The following NIPBL variants were observed in gnomAD, a reference collection of about 807,000 sequenced individuals.
NIPBL encodes NIPBL cohesin loading factor, also known as nipped-B-like protein.
A neutral mutation model predicts 321.8 loss-of-function variants in NIPBL; 19 were observed. That is an observed-to-expected ratio of 0.06 (90% CI 0.04 to 0.09). The LOEUF is 0.09. Among genes scored for constraint, NIPBL ranks in the 10% least tolerant of loss-of-function variants. The pLI is 1.00. For synonymous variants in NIPBL, 1,106 were observed against 1,114.1 expected (o/e 0.99, Z 0.14); for missense variants, 2,210 against 3,327.0 (o/e 0.66, Z 8.26).
At position 36,976,412 on chromosome 5, in the gene NIPBL, TCTC is replaced by T; in HGVS notation, c.1495+11_1495+13del. ...GAAGTTCAAGATAAAGGTAAAATAA[TCTC>T]ATTATTACCACTTCATCATCTGGGC... is the stretch of plus-strand genomic sequence containing the variant. On this transcript the variant is annotated intron_variant, in intron 9 of 46. Transcript: ENST00000282516. 1.2e-6 allele frequency: 2 copies of T among 1,600,860 alleles called. No homozygotes were observed. The highest frequency in any genetic ancestry group is 1.7e-6 in the Non-Finnish European group (2 of 1,178,634).
intron 32 of NIPBL, among the ~76,000 whole-genome samples, chr5:37,028,602 A>G (rs1262101758): frequency 1.3e-5 from 2 of 152,086 alleles, no homozygotes; most frequent in African/African-American, 4.8e-5. Context: ...CGGCCTCCCA[A>G]AGTGCTGAGA....
chr5:36,886,495 T>C, intron 1 of NIPBL: 3 of 758,432 alleles, frequency 4.0e-6, no homozygotes, highest in Non-Finnish European at 7.1e-6. Context: ...TCTGAGACAT[T>C]AAGTCAGCAG....
At chr5:36,934,242 T>C (rs1749992199) in intron 1 of NIPBL, among the ~76,000 whole-genome samples, 1 of 152,138 alleles carries the variant, frequency 6.6e-6, no homozygotes, top group African/African-American at 2.4e-5. Flanking sequence ...CTAGGTATTA[T>C]GGAAAGATTT....
chr5:37,057,074 C>A, intron 42 of NIPBL, 112 bp from the exon 43 acceptor site: 1 of 1,004,132 alleles, frequency 1.0e-6, no homozygotes, highest in Non-Finnish European at 1.5e-6. Flanking sequence ...CTGCTTATCT[C>A]TGTCTAACAT....
chr5:37,046,021 ATTGTT>A (rs1414805431), intron 37 of NIPBL, 83 bp from the exon 38 acceptor site: 4 of 732,996 alleles, frequency 5.5e-6, no homozygotes, highest in African/African-American at 1.8e-5. Context: ...ACAAATTCTC[ATTGTT>A]TTAAGGTATT....
At chr5:37,003,808 TAC>T (rs1219344741) in intron 16 of NIPBL, among the ~76,000 whole-genome samples, 1 of 152,232 alleles carries the variant, frequency 6.6e-6, no homozygotes, top group Non-Finnish European at 1.5e-5. Context: ...GAATTAATGT[TAC>T]ACATTGTCAA....
chr5:36,891,770 C>A (rs1746352987), intron 1 of NIPBL, among the ~76,000 whole-genome samples: 1 of 151,926 alleles, frequency 6.6e-6, no homozygotes, highest in Admixed American at 6.6e-5. Flanking sequence ...GGATAGTAGG[C>A]AGGAAAAGGG....
intron 41 of NIPBL, 86 bp from the exon 42 acceptor site, chr5:37,052,280 T>A: frequency 2.9e-6 from 3 of 1,035,616 alleles, no homozygotes; most frequent in Non-Finnish European, 4.5e-6. Flanking sequence ...ACAATGAAGC[T>A]AGCCTCAGAA....
chr5:37,013,306 C>G (rs1235572494), intron 21 of NIPBL, among the ~76,000 whole-genome samples: 1 of 150,882 alleles, frequency 6.6e-6, no homozygotes, highest in Admixed American at 6.6e-5. Context: ...GCTGACCCCC[C>G]CACCTCCCTC....
In NIPBL at chr5:37,020,662, T is replaced by C. The variant is rs1749520355; in HGVS notation, c.5214T>C (p.Phe1738=). The change falls in exon 26 of 47, where the codon TTT becomes TTC. Residue 1738 remains phenylalanine, a synonymous_variant. Coordinates refer to ENST00000282516, the MANE Select transcript of NIPBL (RefSeq NM_133433.4). ...RSIIKTTPSQ[F]STLKMNSDTV... The stretch of plus-strand genomic sequence containing the variant: ...TTATCAAAACCACACCTTCTCAGTT[T>C]AGCACATTAAAGTAAGATCCAAGGA... The C allele has an allele frequency of 2.5e-6, 4 of 1,613,664 alleles. No individual in the cohort carries two copies. The highest frequency in any genetic ancestry group is 2.2e-5 in the East Asian group (1 of 44,874).
rs766956935 is a variant in NIPBL at position 36,972,011 on chromosome 5, T to G, written c.838T>G (p.Ser280Ala). The G allele has an allele frequency of 7.3e-5, 117 of 1,613,050 alleles. No homozygotes were observed. The highest frequency in any genetic ancestry group is 9.3e-5 in the Non-Finnish European group (110 of 1,179,286). Residue 280 changes from serine (S) to alanine (A), a missense_variant, in exon 8 of 47, where the codon TCC becomes GCC. Ser to Ala is a moderately conservative substitution (Grantham distance 99, BLOSUM62 1). This residue lies in a region of NIPBL where 464 missense variants were observed against 529.5 expected (regional missense o/e 0.88). Coordinates refer to ENST00000282516, the MANE Select transcript of NIPBL (RefSeq NM_133433.4). Reference protein sequence around the residue: ...FPLRSPQPVCSPAGSEGTPKG... With the variant: ...FPLRSPQPVCAPAGSEGTPKG... ...CTTGAGATCTCCACAGCCAGTATGC[T>G]CCCCTGCTGGAAGTGAAGGAACTCC...
In NIPBL at chr5:36,975,849, C is replaced by T. The variant is rs778781695; in HGVS notation, c.942C>T (p.Ile314=). 3 of 1,612,480 alleles carry T rather than the reference C, an allele frequency of 1.9e-6. No homozygotes were observed. ...CACCTCGAGATGTTCCACCAGATAT[C>T]TTGCTAGATTCTCCAGAAAGAAAAC... The part of the protein sequence containing the change: ...CSSPRDVPPD[I]LLDSPERKQK... Residue 314 remains isoleucine (I), a synonymous_variant, in exon 9 of 47, where the codon ATC becomes ATT. Coordinates refer to ENST00000282516, the MANE Select transcript of NIPBL (RefSeq NM_133433.4).
intron 10 of NIPBL, among the ~76,000 whole-genome samples, chr5:36,994,525 G>C (rs904443422): frequency 6.6e-6 from 1 of 151,910 alleles, no homozygotes; most frequent in African/African-American, 2.4e-5. Context: ...ATTATCATTT[G>C]CATGTTATAA....
intron 2 of NIPBL, among the ~76,000 whole-genome samples, chr5:36,954,643 A>G (rs566334075): frequency 1.4e-4 from 21 of 152,158 alleles, no homozygotes; most frequent in Non-Finnish European, 2.6e-4. Context: ...CTATACCTAA[A>G]TATTTTGTCT....
chr5:37,026,622 A>G (rs969755379), intron 31 of NIPBL, among the ~76,000 whole-genome samples: 5 of 152,256 alleles, frequency 3.3e-5, no homozygotes, highest in Non-Finnish European at 7.3e-5. Context: ...AACAGATACA[A>G]TCGCCCAAGG....
chr5:37,030,544 T>C (rs780834749), intron 32 of NIPBL, among the ~76,000 whole-genome samples: 26 of 152,230 alleles, frequency 1.7e-4, no homozygotes, highest in Non-Finnish European at 3.4e-4. Context: ...TGAGCACATA[T>C]GCATGCATTG....
intron 34 of NIPBL, among the ~76,000 whole-genome samples, chr5:37,041,089 C>A (rs1752289983): frequency 6.6e-6 from 1 of 151,098 alleles, no homozygotes; most frequent in Admixed American, 6.6e-5. Context: ...ATATTCATTA[C>A]AAATATTTTT....
At chr5:37,033,723 TATATA>T (rs1174587898) in intron 32 of NIPBL, among the ~76,000 whole-genome samples, 9 of 94,534 alleles carry the variant, frequency 9.5e-5, no homozygotes, top group Non-Finnish European at 1.9e-4. Flanking sequence ...TATATATATA[TATATA>T]TATTTTTTTT....
At chr5:36,879,272 G>A (rs1340950276) in intron 1 of NIPBL, among the ~76,000 whole-genome samples, 2 of 152,088 alleles carry the variant, frequency 1.3e-5, no homozygotes, top group Non-Finnish European at 2.9e-5. Flanking sequence ...TGTTAGAGAT[G>A]GGTTTATGTG....
Sources: gnomAD v4.1 joint callset for allele counts (sites outside exome capture counted in the v4.1 genomes callset) on GRCh38, gnomAD v4.1.1 for gene constraint, gnomAD v4.1.1 regional missense constraint, MANE v1.5 for transcripts, NCBI Gene and HGNC (gene_info 2026-07-23, HGNC 2026-07-21) for gene names.